Variants in KIAA1328 observed in about 807,000 individuals in gnomAD.
KIAA1328 encodes the protein protein hinderin.
In KIAA1328, 52 loss-of-function variants were observed where a neutral mutation model predicts 68.1. The observed-to-expected ratio is 0.76, with a 90% CI of 0.61 to 0.96. The LOEUF (loss-of-function observed/expected upper bound fraction) is 0.96. KIAA1328 is among the 40% of genes least tolerant of loss of function. The probability of loss-of-function intolerance (pLI) is 0.00; values close to 1 mark genes in which losing one functional copy is unlikely to be tolerated. For missense variants in KIAA1328, 641 were observed against 677.6 expected (o/e 0.95, Z 0.60); for synonymous variants, 232 against 239.4 (o/e 0.97, Z 0.28).
At chr18:36,966,377 C>G (rs957362465) in intron 6 of KIAA1328, among the ~76,000 whole-genome samples, 1 of 152,068 alleles carries the variant, frequency 6.6e-6, no homozygotes, top group East Asian at 1.9e-4. Context: ...ATTTTAGACA[C>G]CTGAATAAAA....
chr18:37,178,413 G>A (rs1028899585), intron 9 of KIAA1328, among the ~76,000 whole-genome samples: 7 of 152,146 alleles, frequency 4.6e-5, no homozygotes, highest in Admixed American at 1.3e-4. Flanking sequence ...ACAAATGACA[G>A]GATTTCATTC....
chr18:36,992,451 C>CTTTTTTT (rs71168252), intron 6 of KIAA1328, among the ~76,000 whole-genome samples: 32 of 130,104 alleles, frequency 2.5e-4, no homozygotes, highest in Middle Eastern at 3.8e-3. Context: ...TCTTTTCTTT[C>CTTTTTTT]TTTTTTTTTT....
chr18:36,860,635 G>A (rs2047534641), intron 4 of KIAA1328, among the ~76,000 whole-genome samples: 1 of 152,070 alleles, frequency 6.6e-6, no homozygotes, highest in Non-Finnish European at 1.5e-5. Context: ...ACATGTTACA[G>A]TTCTGTGTGT....
chr18:37,226,715 C>CT (rs763991741), downstream of KIAA1328, among the ~76,000 whole-genome samples: 14,277 of 128,642 alleles, frequency 0.11, 814 homozygotes, highest in Non-Finnish European at 0.15. Context: ...GGGTTGTTCC[C>CT]TTTTTTTTTT....
chr18:37,200,728 G>A (rs944976585), intron 9 of KIAA1328, among the ~76,000 whole-genome samples: 6 of 151,184 alleles, frequency 4.0e-5, no homozygotes, highest in Non-Finnish European at 5.9e-5. Context: ...GGAGAATGGC[G>A]TGAACCCGGG....
At chr18:37,213,876 G>C (rs1265926581) in intron 9 of KIAA1328, among the ~76,000 whole-genome samples, 1 of 152,156 alleles carries the variant, frequency 6.6e-6, no homozygotes, top group Non-Finnish European at 1.5e-5. Flanking sequence ...TTGTGATTTT[G>C]ATTTGCATTT....
At chr18:36,895,588 G>A (rs542241895) in intron 5 of KIAA1328, among the ~76,000 whole-genome samples, 11 of 152,252 alleles carry the variant, frequency 7.2e-5, no homozygotes. Flanking sequence ...TTGGAGTAGT[G>A]TGAGAAGAGA....
chr18:36,953,583 C>G (rs1234181030), intron 5 of KIAA1328, among the ~76,000 whole-genome samples: 1 of 151,922 alleles, frequency 6.6e-6, no homozygotes, highest in Admixed American at 6.6e-5. Flanking sequence ...CCACTTGTCT[C>G]TGATACCTGG....
intron 7 of KIAA1328, among the ~76,000 whole-genome samples, chr18:37,116,464 A>C (rs1212256928): frequency 6.6e-6 from 1 of 152,154 alleles, no homozygotes; most frequent in African/African-American, 2.4e-5. Context: ...CCATATGTAG[A>C]AAGCTGAAAC....
At chr18:37,010,173 A>G (rs1405411983) in intron 6 of KIAA1328, among the ~76,000 whole-genome samples, 7 of 152,066 alleles carry the variant, frequency 4.6e-5, no homozygotes, top group African/African-American at 1.7e-4. Flanking sequence ...GGCTGGGCAC[A>G]ATGGCTCACC....
intron 6 of KIAA1328, among the ~76,000 whole-genome samples, chr18:37,017,209 T>C (rs1017668738): frequency 6.6e-6 from 1 of 152,152 alleles, no homozygotes; most frequent in African/African-American, 2.4e-5. Context: ...CTTGATTTTG[T>C]CATTTACCCA....
chr18:36,987,147 A>T (rs2052957331), intron 6 of KIAA1328, among the ~76,000 whole-genome samples: 1 of 44,098 alleles, frequency 2.3e-5, no homozygotes, highest in African/African-American at 6.8e-5. Flanking sequence ...ATGGAATACT[A>T]TGCAGCCATA....
intron 9 of KIAA1328, among the ~76,000 whole-genome samples, chr18:37,192,922 A>G (rs1163838125): frequency 1.3e-5 from 2 of 152,220 alleles, no homozygotes; most frequent in African/African-American, 4.8e-5. Context: ...ACAGGAAGAA[A>G]AGAAATAAAG....
chr18:36,872,962 G>C (rs1166826015), intron 4 of KIAA1328, among the ~76,000 whole-genome samples: 1 of 152,146 alleles, frequency 6.6e-6, no homozygotes, highest in Non-Finnish European at 1.5e-5. Flanking sequence ...AGTGCCTTTT[G>C]TGTGACTGTA....
At chr18:36,846,487 A>G (rs2047033241) in intron 4 of KIAA1328, among the ~76,000 whole-genome samples, 1 of 151,530 alleles carries the variant, frequency 6.6e-6, no homozygotes. Flanking sequence ...ATTTGCATGC[A>G]ATAACATGAA....
chr18:36,877,514 G>GTTTTTTTTTTTTT (rs34759198), intron 4 of KIAA1328, among the ~76,000 whole-genome samples: 1 of 119,186 alleles, frequency 8.4e-6, no homozygotes. Flanking sequence ...TTTTTTGTTG[G>GTTTTTTTTTTTTT]TTTTTTTTTT....
At chr18:37,140,924 A>G (rs323324) in intron 7 of KIAA1328, among the ~76,000 whole-genome samples, 61,452 of 152,034 alleles carry the variant, frequency 0.4, 14,267 homozygotes, top group African/African-American at 0.64. Flanking sequence ...GCCTAGCACA[A>G]TGAATGGTTC....
At chr18:37,216,427 T>G (rs534726070) in intron 9 of KIAA1328, among the ~76,000 whole-genome samples, 1 of 152,330 alleles carries the variant, frequency 6.6e-6, no homozygotes, top group African/African-American at 2.4e-5. Flanking sequence ...CAGGAGCAGG[T>G]TGTTCAGTTT....
At chr18:37,056,767 C>T (rs1490035216) in intron 6 of KIAA1328, among the ~76,000 whole-genome samples, 3 of 152,072 alleles carry the variant, frequency 2.0e-5, no homozygotes, top group South Asian at 2.1e-4. Flanking sequence ...TCTCCTGCTT[C>T]AGCCTTCCAA....
Sources: allele counts gnomAD v4.1 joint callset (sites outside exome capture counted in the v4.1 genomes callset), GRCh38; gene constraint gnomAD v4.1.1; transcripts MANE v1.5; gene names NCBI Gene and HGNC (gene_info 2026-07-23, HGNC 2026-07-21).